Variants in KLHL6 observed in about 807,000 individuals in gnomAD.
KLHL6 encodes kelch like family member 6.
Under a neutral mutation model 58.6 loss-of-function variants are expected in KLHL6, and 41 were observed. That is an observed-to-expected ratio of 0.70 (90% CI 0.55 to 0.91). The LOEUF (loss-of-function observed/expected upper bound fraction) is 0.91. KLHL6 is among the 40% of genes least tolerant of loss of function. The pLI is 0.00. For synonymous variants in KLHL6, 338 were observed against 322.7 expected (o/e 1.05, Z -0.51); for missense variants, 714 against 805.6 (o/e 0.89, Z 1.38).
At position 183,499,915 on chromosome 3, in the gene KLHL6, C is replaced by T; in HGVS notation, c.910-88G>A. ...GAGCCATTAGGAGTCGGGTCCAATT[C>T]CCATATCTGCCACGGTATGACCATG... On this transcript the variant is annotated intron_variant, in intron 3 of 6. Coordinates refer to ENST00000341319, the MANE Select transcript of KLHL6 (RefSeq NM_130446.4). This position sits in a 1 kb window ranked among gnomAD's most constrained non-coding sequence, Gnocchi z 4.6. 2 of 872,852 alleles carry T rather than the reference C, an allele frequency of 2.3e-6. No individual in the cohort carries two copies. The highest frequency in any genetic ancestry group is 3.4e-6 in the Non-Finnish European group (2 of 583,632). The allele number at this position is 872,852 out of a possible 1,614,324, so 54.1% of individuals were successfully genotyped here.
intron 1 of KLHL6, among the ~76,000 whole-genome samples, chr3:183,549,125 C>T (rs114124975): frequency 0.022 from 3,334 of 148,424 alleles, 78 homozygotes; most frequent in Middle Eastern, 0.045. Context: ...AACAAACCCG[C>T]GCATTCTGCA....
intron 2 of KLHL6, among the ~76,000 whole-genome samples, chr3:183,511,898 A>G (rs1718196824): frequency 6.6e-6 from 1 of 152,132 alleles, no homozygotes; most frequent in Non-Finnish European, 1.5e-5. Flanking sequence ...ACATAGACAC[A>G]GTAACAGTCT....
rs776249723 is a variant in KLHL6, at chr3:183,490,598, C to G, written c.*1329G>C. On this transcript the variant is annotated 3_prime_UTR_variant, in exon 7 of 7. Coordinates refer to ENST00000341319, the MANE Select transcript of KLHL6 (RefSeq NM_130446.4). ...GAGGCGGGCAGATCACAAGGTCAGG[C>G]GTTCAAGACCAGCCTGGCCAAGATG... The G allele has an allele frequency of 1.3e-5, 2 of 151,916 alleles. No individual in the cohort carries two copies. The highest frequency in any genetic ancestry group is 4.8e-5 in the African/African-American group (2 of 41,350). The allele number at this position is 151,916 out of a possible 1,614,324, so 9.4% of individuals were successfully genotyped here. A position where few individuals can be genotyped will look rare whatever the true frequency, so the allele number is the denominator to read the frequency against.
In KLHL6 at chr3:183,492,194, C is replaced by A. The variant is rs932157964; in HGVS notation, c.1599G>T (p.Pro533=). Residue 533 remains proline, a synonymous_variant, in exon 7 of 7, where the codon CCG becomes CCT. Transcript: ENST00000341319. The surrounding 1 kb of genome is among the most constrained non-coding windows in gnomAD (Gnocchi z 5.9). Reference sequence around the variant, plus strand: ...TCACCAGGCACCAGCTGTCTTCCAGCGGGCTGTAGGCGTACAGCGCTCTCA... The same window carrying A: ...TCACCAGGCACCAGCTGTCTTCCAGAGGGCTGTAGGCGTACAGCGCTCTCA... ...GAMRALYAYS[P]LEDSWCLVTQ... 10 of 1,611,844 alleles carry A rather than the reference C, an allele frequency of 6.2e-6. No individual in the cohort carries two copies. The highest frequency in any genetic ancestry group is 8.5e-6 in the Non-Finnish European group (10 of 1,179,124).
chr3:183,494,674 G>C (rs763401993), intron 4 of KLHL6, among the ~76,000 whole-genome samples: 3 of 152,172 alleles, frequency 2.0e-5, no homozygotes, highest in African/African-American at 2.4e-5. Flanking sequence ...GGGGACAGTG[G>C]GGTTTGTGCA....
intron 1 of KLHL6, among the ~76,000 whole-genome samples, chr3:183,538,973 T>C (rs1447030780): frequency 1.3e-5 from 2 of 152,208 alleles, no homozygotes; most frequent in Non-Finnish European, 2.9e-5. Context: ...GGGTTGCTTA[T>C]TCAGAATACA....
At chr3:183,493,981 C>T in intron 5 of KLHL6, 98 bp downstream of exon 5, 2 of 1,094,690 alleles carry the variant, frequency 1.8e-6, no homozygotes, top group Admixed American at 1.8e-5. Context: ...GTAAAGTGAT[C>T]AGAAAGCTGA....
At position 183,492,107 on chromosome 3, in the gene KLHL6, G is replaced by C. The variant is rs1445790128; in HGVS notation, c.1686C>G (p.Ile562Met). Residue 562 changes from isoleucine to methionine, a missense_variant, in exon 7 of 7, where the codon ATC (isoleucine) becomes ATG (methionine). By Grantham distance (10) the Ile-to-Met change is conservative. Transcript: ENST00000341319. This position sits in a 1 kb window ranked among gnomAD's most constrained non-coding sequence, Gnocchi z 5.9. ...GIAPCNNRLY[I>M]TGGRDEKNEV... is the part of the protein sequence containing the mutation. ...CGTTCTTCTCGTCCCGCCCGCCGGT[G>C]ATGTAGAGCCGGTTGTTGCAGGGCG... 1 of 1,613,936 alleles carries C rather than the reference G, an allele frequency of 6.2e-7. No individual in the cohort carries two copies. The highest frequency in any genetic ancestry group is 1.7e-5 in the Admixed American group (1 of 60,036).
At chr3:183,540,396 C>T (rs1310799827) in intron 1 of KLHL6, among the ~76,000 whole-genome samples, 2 of 152,132 alleles carry the variant, frequency 1.3e-5, no homozygotes, top group South Asian at 2.1e-4. Context: ...ATACCTGAAA[C>T]CATTACCCCA....
At chr3:183,549,527 A>G (rs913624287) in intron 1 of KLHL6, among the ~76,000 whole-genome samples, 11 of 152,124 alleles carry the variant, frequency 7.2e-5, no homozygotes, top group African/African-American at 2.2e-4. Context: ...TCAGGTCGGG[A>G]CACCTGAGTC....
chr3:183,519,910 A>G (rs1056243855), intron 2 of KLHL6, among the ~76,000 whole-genome samples: 1 of 151,026 alleles, frequency 6.6e-6, no homozygotes, highest in South Asian at 2.1e-4. Flanking sequence ...AAAAAAAAAA[A>G]AAAAAAACAA....
chr3:183,531,952 G>A (rs571831328), intron 1 of KLHL6, among the ~76,000 whole-genome samples: 2 of 152,266 alleles, frequency 1.3e-5, no homozygotes, highest in Non-Finnish European at 2.9e-5. Context: ...AGTTGATGCC[G>A]GAATAAATTA....
At chr3:183,552,952 T>G (rs923491375) in intron 1 of KLHL6, among the ~76,000 whole-genome samples, 8 of 152,076 alleles carry the variant, frequency 5.3e-5, no homozygotes, top group Admixed American at 2.6e-4. Flanking sequence ...CCCTGCCTTG[T>G]CAGGTTGTTG....
chr3:183,519,591 A>G (rs1010507234), intron 2 of KLHL6, among the ~76,000 whole-genome samples: 3 of 152,176 alleles, frequency 2.0e-5, no homozygotes, highest in African/African-American at 7.2e-5. Flanking sequence ...TCAATGATAG[A>G]AAAATAACAG....
chr3:183,530,533 T>C (rs1712122040), intron 1 of KLHL6, among the ~76,000 whole-genome samples: 1 of 151,992 alleles, frequency 6.6e-6, no homozygotes, highest in Admixed American at 6.6e-5. Flanking sequence ...TGTAGTAAAA[T>C]GCAAGGGGAG....
chr3:183,494,426 A>G (rs760123771), intron 4 of KLHL6, 145 bp from the exon 5 acceptor site: 12 of 661,602 alleles, frequency 1.8e-5, no homozygotes, highest in Admixed American at 4.9e-5. Flanking sequence ...CAGGTGTGTG[A>G]TGTCTGGCAG....
chr3:183,501,693 T>C (rs1206598673), intron 3 of KLHL6, among the ~76,000 whole-genome samples: 4 of 152,196 alleles, frequency 2.6e-5, no homozygotes, highest in African/African-American at 9.7e-5. Flanking sequence ...CCTGGGTCCC[T>C]GCCTGCTGCC....
chr3:183,526,579 G>T (rs1049030372), intron 2 of KLHL6, among the ~76,000 whole-genome samples: 3 of 152,154 alleles, frequency 2.0e-5, no homozygotes, highest in African/African-American at 7.2e-5. Context: ...GCTAATTTCT[G>T]CCTAGAAAGT....
chr3:183,520,506 G>A (rs1325566924), intron 2 of KLHL6: 12 of 151,912 alleles, frequency 7.9e-5, no homozygotes. Flanking sequence ...CGCCGACACT[G>A]GTCTCTGAGT....
Sources: allele counts gnomAD v4.1 joint callset (sites outside exome capture counted in the v4.1 genomes callset), GRCh38; gene constraint gnomAD v4.1.1; non-coding constraint Gnocchi (gnomAD v3.1); transcripts MANE v1.5; gene names NCBI Gene and HGNC (gene_info 2026-07-23, HGNC 2026-07-21).